The following ZDHHC16 variants were observed in gnomAD, a reference collection of about 807,000 sequenced individuals.
The protein encoded by ZDHHC16 is zDHHC palmitoyltransferase 16, also known as palmitoyltransferase ZDHHC16.
ZDHHC16 carries 33 observed loss-of-function variants against 54.4 expected under a neutral mutation model. The observed-to-expected ratio is 0.61, with a 90% CI of 0.46 to 0.81. The LOEUF (loss-of-function observed/expected upper bound fraction) is 0.81. Among genes scored for constraint, ZDHHC16 ranks in the 30% least tolerant of loss-of-function variants. The pLI is 0.00. For synonymous variants in ZDHHC16, 185 were observed against 182.1 expected (o/e 1.02, Z -0.13); for missense variants, 420 against 485.9 (o/e 0.86, Z 1.28).
At chr10:97,453,921 A>G in intron 8 of ZDHHC16, 75 bp downstream of exon 8, 1 of 1,597,420 alleles carries the variant, frequency 6.3e-7, no homozygotes, top group Non-Finnish European at 8.6e-7. Flanking sequence ...TCTGGGGCCG[A>G]CCTGCCCATG....
At chr10:97,451,576 G>A in intron 2 of ZDHHC16, 95 bp from the exon 3 acceptor site, 1 of 1,504,944 alleles carries the variant, frequency 6.6e-7, no homozygotes, top group Non-Finnish European at 8.9e-7. Context: ...TTAGTCTTAG[G>A]TCTTTGCCCT....
At chr10:97,452,536 G>A in intron 5 of ZDHHC16, 33 bp downstream of exon 5, 1 of 1,605,498 alleles carries the variant, frequency 6.2e-7, no homozygotes, top group Non-Finnish European at 8.5e-7. Flanking sequence ...GGGAATCCCA[G>A]CTGTGGTCCT....
At chr10:97,453,021 A>G (rs1324028279) in intron 6 of ZDHHC16, 98 bp downstream of exon 6, 1 of 1,516,652 alleles carries the variant, frequency 6.6e-7, no homozygotes, top group Non-Finnish European at 9.2e-7. Context: ...TGCAGAGAAC[A>G]CTGGAGTTGA....
intron 1 of ZDHHC16, among the ~76,000 whole-genome samples, chr10:97,448,784 T>C (rs986012561): frequency 6.6e-6 from 1 of 152,068 alleles, no homozygotes; most frequent in Non-Finnish European, 1.5e-5. Flanking sequence ...AGTGTTTATG[T>C]GTAGCATTTA....
At chr10:97,447,863 T>C (rs1846240342) in intron 1 of ZDHHC16, among the ~76,000 whole-genome samples, 1 of 150,808 alleles carries the variant, frequency 6.6e-6, no homozygotes, top group South Asian at 2.1e-4. Context: ...GCGGAGGTTG[T>C]GGTGAGCCCA....
intron 1 of ZDHHC16, among the ~76,000 whole-genome samples, 152 bp from the exon 2 acceptor site, chr10:97,450,205 A>G (rs1408105658): frequency 6.6e-6 from 1 of 152,166 alleles, no homozygotes; most frequent in Non-Finnish European, 1.5e-5. Flanking sequence ...AGGAGGTGGC[A>G]GGAATGGACA....
At position 97,452,487 on chromosome 10, in the gene ZDHHC16, T is replaced by G. The variant is rs1220915086; in HGVS notation, c.511T>G (p.Cys171Gly). The stretch of plus-strand genomic sequence containing the variant: ...CCCCAAGCCAGCCCGAACACACCAC[T>G]GCAGCATCTGCAACAGGTGGGTCTT... Reference protein sequence around the residue: ...IYPKPARTHHCSICNRCVLKM... With the variant: ...IYPKPARTHHGSICNRCVLKM... Residue 171 changes from cysteine to glycine, a missense_variant, in exon 5 of 12, where the codon TGC becomes GGC. Physicochemically the swap from Cys to Gly is radical, Grantham distance 159. Coordinates refer to ENST00000393760, the MANE Select transcript of ZDHHC16 (RefSeq NM_198046.3). The G allele has an allele frequency of 3.7e-6, 6 of 1,614,040 alleles. No homozygotes were observed. Among genetic ancestry groups the G allele is most frequent in the Non-Finnish European group, 5.1e-6 (6 of 1,179,986 alleles).
chr10:97,456,828 T>A lies in ZDHHC16; in HGVS notation c.1071T>A (p.Asn357Lys). The change falls in exon 12 of 12, where the codon AAT (asparagine) becomes AAA (lysine). Residue 357 changes from asparagine (N) to lysine (K), a missense_variant. By Grantham distance (94) the Asn-to-Lys change is moderately conservative (BLOSUM62 0). Coordinates refer to ENST00000393760, the MANE Select transcript of ZDHHC16 (RefSeq NM_198046.3). ...LLPSSHLPHG[N>K]GMSWEPPPWV... is the part of the protein sequence containing the mutation. Reference sequence around the variant, plus strand: ...CTTCTAGTCACTTGCCCCATGGGAATGGAATGAGCTGGGAGCCCCCTCCCT... The same window carrying A: ...CTTCTAGTCACTTGCCCCATGGGAAAGGAATGAGCTGGGAGCCCCCTCCCT... The A allele has an allele frequency of 6.2e-7, 1 of 1,613,858 alleles. No individual in the cohort carries two copies. Among genetic ancestry groups the A allele is most frequent in the Non-Finnish European group, 8.5e-7 (1 of 1,179,862 alleles).
intron 8 of ZDHHC16, among the ~76,000 whole-genome samples, chr10:97,454,497 AC>A (rs1846976518): frequency 6.6e-6 from 1 of 152,060 alleles, no homozygotes; most frequent in Non-Finnish European, 1.5e-5. Flanking sequence ...CCTGTGCTTC[AC>A]CATCCTGTCC....
At chr10:97,447,750 G>T (rs543053004) in intron 1 of ZDHHC16, among the ~76,000 whole-genome samples, 1 of 151,864 alleles carries the variant, frequency 6.6e-6, no homozygotes, top group African/African-American at 2.4e-5. Context: ...GGAGAAACCC[G>T]GTCTCTACTA....
chr10:97,457,239 A>G lies in ZDHHC16; in HGVS notation c.*348A>G. ...CCTCTTCTACTTGCTGTCTGAAAAA[A>G]CACCTGACTAGTACAGCTGAGATCT... On this transcript the variant is annotated 3_prime_UTR_variant, in exon 12 of 12. Coordinates refer to ENST00000393760, the MANE Select transcript of ZDHHC16 (RefSeq NM_198046.3). 6.0e-6 allele frequency: 1 copy of G among 166,318 alleles called. No individual in the cohort carries two copies. Among genetic ancestry groups the G allele is most frequent in the Non-Finnish European group, 1.3e-5 (1 of 77,252 alleles). The allele number at this position is 166,318 out of a possible 1,614,324, so 10.3% of individuals were successfully genotyped here.
In ZDHHC16 at chr10:97,454,800, G is replaced by GTA. The variant is rs1365306480; in HGVS notation, c.824+3_824+4dup. 1 of 1,613,732 alleles carries GTA rather than the reference G, an allele frequency of 6.2e-7. No homozygotes were observed. The highest frequency in any genetic ancestry group is 2.2e-5 in the East Asian group (1 of 44,890). On this transcript the variant is annotated splice_donor_variant, in intron 9 of 11. Transcript: ENST00000393760. LOFTEE classifies it high-confidence loss of function. ...TTGTCTACCTCTGGTTCCTGTGCAG[G>GTA]TATTTGTTTTTGATAGTTTTAAGGG...
chr10:97,456,952 CTCCAAGGGCA>C lies in ZDHHC16; in HGVS notation c.*62_*71del. On this transcript the variant is annotated 3_prime_UTR_variant, in exon 12 of 12. Transcript: ENST00000393760. ...CTGCTCCCTATGTTATTTCAAGGGC[CTCCAAGGGCA>C]GCTTTTCTCAGAATCCTTGATCAAA... 1.5e-6 allele frequency: 2 copies of C among 1,330,912 alleles called. No homozygotes were observed. The highest frequency in any genetic ancestry group is 2.0e-6 in the Non-Finnish European group (2 of 977,738). The allele number at this position is 1,330,912 out of a possible 1,614,324, so 82.4% of individuals were successfully genotyped here.
intron 1 of ZDHHC16, among the ~76,000 whole-genome samples, chr10:97,449,224 G>GTTT (rs11425114): frequency 4.7e-5 from 7 of 147,918 alleles, no homozygotes; most frequent in African/African-American, 1.7e-4. Flanking sequence ...GAGAATAGAA[G>GTTT]TTTTTTTTTT....
Position 97,452,144 on chromosome 10 carries a change from C to A in ZDHHC16, c.298C>A (p.Leu100Met). 1 of 1,614,104 alleles carries A rather than the reference C, an allele frequency of 6.2e-7. No homozygotes were observed. ...AGGCTCCATTGTAGCTATCGCCTAC[C>A]TGTGTGTCCTGCCTCTCATCCTCCG... ...LTGSIVAIAY[L>M]CVLPLILRTY... The change falls in exon 4 of 12, where the codon CTG becomes ATG. Residue 100 changes from leucine to methionine, a missense_variant. Physicochemically the swap from Leu to Met is conservative, Grantham distance 15. Transcript: ENST00000393760.
rs1405015829 is a variant in ZDHHC16 at position 97,450,511 on chromosome 10, C to A, written c.-31C>A. 6.6e-6 allele frequency: 1 copy of A among 152,208 alleles called. No individual in the cohort carries two copies. Among genetic ancestry groups the A allele is most frequent in the African/African-American group, 2.4e-5 (1 of 41,444 alleles). The allele number at this position is 152,208 out of a possible 1,614,324, so 9.4% of individuals were successfully genotyped here. ...GTGGGATTGTCAAGGACAAAGCCCT[C>A]CCTGGCTGCCTCAGGGCAAAATCAG... On this transcript the variant is annotated 5_prime_UTR_variant, in exon 2 of 12. Transcript: ENST00000393760.
chr10:97,452,200 TTTC>T lies in ZDHHC16; in HGVS notation c.359_361del (p.Phe120del), dbSNP rs1250996222. On this transcript the variant is annotated inframe_deletion, in exon 4 of 12. Coordinates refer to ENST00000393760, the MANE Select transcript of ZDHHC16 (RefSeq NM_198046.3). ...ACTCAGTGCCACGACTCTGCTGGCA[TTTC>T]TTCTATAGCCACTGGAATCTGATCC... 1 of 1,613,990 alleles carries T rather than the reference TTTC, an allele frequency of 6.2e-7. No homozygotes were observed. The highest frequency in any genetic ancestry group is 1.3e-5 in the African/African-American group (1 of 74,912).
chr10:97,450,118 G>T (rs1476555168), intron 1 of ZDHHC16, among the ~76,000 whole-genome samples: 2 of 151,566 alleles, frequency 1.3e-5, no homozygotes, highest in Non-Finnish European at 2.9e-5. Flanking sequence ...TGATCCACCC[G>T]CCTCGGCCTC....
Position 97,453,592 on chromosome 10 carries a change from A to G in ZDHHC16, c.619A>G (p.Met207Val), listed in dbSNP as rs1846862793. ...GTACTTCTTCTCTTTCTGCTTTTTC[A>G]TGACTCTGGGCTGTGTCTACTGCAG... The part of the protein sequence containing the change: ...HRYFFSFCFF[M>V]TLGCVYCSYG... The change falls in exon 7 of 12, where the codon ATG becomes GTG. Residue 207 changes from methionine to valine, a missense_variant. Physicochemically the swap from Met to Val is conservative, Grantham distance 21. Transcript: ENST00000393760. The G allele has an allele frequency of 6.2e-7, 1 of 1,614,080 alleles. No homozygotes were observed. The highest frequency in any genetic ancestry group is 8.5e-7 in the Non-Finnish European group (1 of 1,180,022).
Sources: gnomAD v4.1 joint callset for allele counts (sites outside exome capture counted in the v4.1 genomes callset) on GRCh38, gnomAD v4.1.1 for gene constraint, MANE v1.5 for transcripts, NCBI Gene and HGNC (gene_info 2026-07-23, HGNC 2026-07-21) for gene names.